The following PTK2 variants were observed in gnomAD, a reference collection of about 807,000 sequenced individuals.
PTK2 encodes protein tyrosine kinase 2, also known as focal adhesion kinase 1.
In PTK2, 45 loss-of-function variants were observed where a neutral mutation model predicts 150.1. That is an observed-to-expected ratio of 0.30 (90% CI 0.24 to 0.38). The LOEUF is 0.38. PTK2 is among the 10% of genes least tolerant of loss of function. The pLI is 1.00. For missense variants in PTK2, 919 were observed against 1,307.3 expected (o/e 0.70, Z 4.58); for synonymous variants, 432 against 449.2 (o/e 0.96, Z 0.48).
chr8:140,996,933 A>C (rs1277041557), intron 1 of PTK2, among the ~76,000 whole-genome samples: 3 of 152,240 alleles, frequency 2.0e-5, no homozygotes, highest in Admixed American at 1.3e-4. Context: ...GCTGCCATAG[A>C]TAGTGATTCC....
intron 4 of PTK2, among the ~76,000 whole-genome samples, chr8:140,866,735 C>T (rs769612042): frequency 9.2e-5 from 14 of 152,212 alleles, no homozygotes; most frequent in Non-Finnish European, 1.9e-4. Flanking sequence ...GGAAATTCAA[C>T]AGTGAATAAC....
At chr8:140,723,442 AT>A (rs1391388384) in intron 22 of PTK2, among the ~76,000 whole-genome samples, 1 of 152,216 alleles carries the variant, frequency 6.6e-6, no homozygotes, top group Admixed American at 6.5e-5. Context: ...CTCATAAAAA[AT>A]ATCTGTTTTT....
chr8:140,971,332 T>C (rs948112704), intron 1 of PTK2, among the ~76,000 whole-genome samples: 2 of 152,262 alleles, frequency 1.3e-5, no homozygotes, highest in East Asian at 1.9e-4. Context: ...TCAGGTGTTA[T>C]TGGACCAGTA....
intron 1 of PTK2, among the ~76,000 whole-genome samples, chr8:140,935,628 T>C (rs2100173339): frequency 6.6e-6 from 1 of 151,984 alleles, no homozygotes; most frequent in Non-Finnish European, 1.5e-5. Context: ...CACTCTGTTA[T>C]TTGAAACCAA....
At chr8:140,705,649 T>TGA (rs1267629979) in intron 24 of PTK2, among the ~76,000 whole-genome samples, 1 of 152,242 alleles carries the variant, frequency 6.6e-6, no homozygotes, top group East Asian at 1.9e-4. Context: ...ATTGTTTACT[T>TGA]TGTGTCAAGT....
chr8:140,826,231 G>A (rs999168932), intron 8 of PTK2, among the ~76,000 whole-genome samples: 3 of 152,164 alleles, frequency 2.0e-5, no homozygotes, highest in Admixed American at 1.3e-4. Flanking sequence ...TGAATTTCTA[G>A]CTAGCTGAAG....
intron 11 of PTK2, among the ~76,000 whole-genome samples, chr8:140,802,386 A>T (rs968019329): frequency 1.6e-4 from 25 of 152,266 alleles, no homozygotes; most frequent in African/African-American, 5.5e-4. Context: ...AAAAAAGAAA[A>T]TTTTTTGTAC....
At chr8:140,868,045 T>C (rs774487187) in intron 4 of PTK2, among the ~76,000 whole-genome samples, 1 of 152,212 alleles carries the variant, frequency 6.6e-6, no homozygotes, top group Non-Finnish European at 1.5e-5. Flanking sequence ...ATAAAATCAT[T>C]CTTTCGTTCC....
intron 1 of PTK2, among the ~76,000 whole-genome samples, chr8:140,953,702 G>C (rs868836746): frequency 2.6e-5 from 4 of 152,082 alleles, no homozygotes; most frequent in Admixed American, 1.3e-4. Context: ...ACCACAGACT[G>C]GGGGGAGGGA....
At chr8:140,818,418 A>C in intron 9 of PTK2, 64 bp from the exon 10 acceptor site, 1 of 1,415,950 alleles carries the variant, frequency 7.1e-7, no homozygotes, top group South Asian at 1.2e-5. Flanking sequence ...CTTTAGATAA[A>C]GAGCCGTGGA....
In PTK2 at chr8:140,696,444, C is replaced by T. The variant is rs1014125527; in HGVS notation, c.2499+4447G>A. Among the ~76,000 whole-genome samples, 10 of 152,234 alleles carry T rather than the reference C, an allele frequency of 6.6e-5. No homozygotes were observed. In the South Asian group the frequency reaches 1.9e-3, roughly 28 times the overall value. On this transcript the variant is annotated intron_variant, in intron 26 of 31. Transcript: ENST00000522684. ...AAGTTAATTCAAGCTTCACGCTTGG[C>T]GCTCAGTAAGGTTCTCTGGCACCTT...
At chr8:140,961,513 T>C (rs1172318940) in intron 1 of PTK2, among the ~76,000 whole-genome samples, 2 of 151,638 alleles carry the variant, frequency 1.3e-5, no homozygotes, top group Non-Finnish European at 2.9e-5. Flanking sequence ...TACAAAAAAA[T>C]TAGCCGGGCG....
chr8:140,831,015 C>G (rs963468769), intron 7 of PTK2, among the ~76,000 whole-genome samples: 4 of 152,158 alleles, frequency 2.6e-5, no homozygotes, highest in South Asian at 2.1e-4. Flanking sequence ...TAAAAATAGA[C>G]TTTTTTGATT....
At chr8:140,872,500 C>T (rs951461418) in intron 4 of PTK2, among the ~76,000 whole-genome samples, 19 of 152,228 alleles carry the variant, frequency 1.2e-4, no homozygotes, top group African/African-American at 2.4e-4. Context: ...CTGGGCTCTC[C>T]CAGCATCCTA....
Position 140,674,125 on chromosome 8 carries a change from C to T in PTK2, c.2709+173G>A, listed in dbSNP as rs772648768. 6 of 767,192 alleles carry T rather than the reference C, an allele frequency of 7.8e-6. No homozygotes were observed. The Middle Eastern group carries it at 6.8e-4, about 87-fold the overall frequency. The allele number at this position is 767,192 out of a possible 1,614,324, so 47.5% of individuals were successfully genotyped here. ...GTTTGCATAAAGCTTTTCCCTGACT[C>T]TCAGAGGGGTTCAGAACCAGACCAA... is the stretch of plus-strand genomic sequence containing the variant. On this transcript the variant is annotated intron_variant, in intron 29 of 31. Transcript: ENST00000522684.
At chr8:141,001,313 C>G (rs2154610585), upstream of PTK2, 1 of 147,408 alleles carries the variant, frequency 6.8e-6, no homozygotes, top group South Asian at 2.1e-4. Flanking sequence ...CGCGCGTGCG[C>G]GGCAGCCGGC....
chr8:140,678,069 C>G (rs1461067122), intron 27 of PTK2, among the ~76,000 whole-genome samples: 1 of 152,174 alleles, frequency 6.6e-6, no homozygotes, highest in Non-Finnish European at 1.5e-5. Flanking sequence ...AAGTGAGTGA[C>G]TGAGTCTCAC....
At chr8:140,936,523 G>A (rs1338298275) in intron 1 of PTK2, among the ~76,000 whole-genome samples, 1 of 151,624 alleles carries the variant, frequency 6.6e-6, no homozygotes, top group Admixed American at 6.6e-5. Flanking sequence ...CACTGCACCC[G>A]ACCAATGCTG....
At chr8:140,757,618 G>A (rs962777653) in intron 16 of PTK2, among the ~76,000 whole-genome samples, 9 of 152,096 alleles carry the variant, frequency 5.9e-5, no homozygotes, top group African/African-American at 1.9e-4. Flanking sequence ...GCATAAACAT[G>A]GAGTTACTGA....
Sources: allele counts gnomAD v4.1 joint callset (sites outside exome capture counted in the v4.1 genomes callset), GRCh38; gene constraint gnomAD v4.1.1; transcripts MANE v1.5; gene names NCBI Gene and HGNC (gene_info 2026-07-23, HGNC 2026-07-21).